Variants in ADGRL3 observed in about 807,000 individuals in gnomAD.
ADGRL3 encodes the protein calcium-independent alpha-latrotoxin receptor 3.
In ADGRL3, 62 loss-of-function variants were observed where a neutral mutation model predicts 153.5. The observed-to-expected ratio is 0.40, with a 90% CI of 0.33 to 0.50. The LOEUF (loss-of-function observed/expected upper bound fraction) is 0.50, where lower values mean the gene tolerates loss of function less well. Among genes scored for constraint, ADGRL3 ranks in the 20% least tolerant of loss-of-function variants. ADGRL3 has a pLI of 0.47. For synonymous variants in ADGRL3, 710 were observed against 672.5 expected, an observed-to-expected ratio of 1.06 and a Z score of -0.86; for missense variants, 1,641 against 1,859.4, an observed-to-expected ratio of 0.88 and a Z score of 2.16.
intron 2 of ADGRL3, among the ~76,000 whole-genome samples, chr4:61,468,481 A>T (rs1460353456): frequency 6.6e-6 from 1 of 152,126 alleles, no homozygotes; most frequent in African/African-American, 2.4e-5. Flanking sequence ...GAGTGTCCTA[A>T]ATAGTGTGTA....
At chr4:61,736,204 C>T (rs1378808350) in intron 8 of ADGRL3, among the ~76,000 whole-genome samples, 3 of 151,936 alleles carry the variant, frequency 2.0e-5, no homozygotes, top group African/African-American at 7.3e-5. Flanking sequence ...TATGTACATA[C>T]ATATGGGGGG....
intron 4 of ADGRL3, among the ~76,000 whole-genome samples, chr4:61,537,787 C>G (rs1012007047): frequency 6.6e-6 from 1 of 152,156 alleles, no homozygotes. Flanking sequence ...CGATTAAGAT[C>G]AAGTATTTCC....
At chr4:61,512,991 C>T (rs535444234) in intron 3 of ADGRL3, among the ~76,000 whole-genome samples, 2 of 152,102 alleles carry the variant, frequency 1.3e-5, no homozygotes, top group South Asian at 4.1e-4. Flanking sequence ...AACCCTAAAC[C>T]ACAAAAGTAA....
intron 24 of ADGRL3, among the ~76,000 whole-genome samples, chr4:62,041,832 C>G (rs1456355578): frequency 6.6e-6 from 1 of 152,050 alleles, no homozygotes; most frequent in Non-Finnish European, 1.5e-5. Context: ...TGCAATACTT[C>G]TCCTTTTTCT....
intron 13 of ADGRL3, among the ~76,000 whole-genome samples, chr4:61,928,234 T>A (rs2098802848): frequency 6.6e-6 from 1 of 152,146 alleles, no homozygotes; most frequent in Admixed American, 6.5e-5. Flanking sequence ...AAATAATTGT[T>A]CCCAGCTTTC....
At chr4:61,434,081 T>C (rs1415266539) in intron 2 of ADGRL3, among the ~76,000 whole-genome samples, 1 of 152,160 alleles carries the variant, frequency 6.6e-6, no homozygotes, top group Non-Finnish European at 1.5e-5. Context: ...CACTGGAATG[T>C]AAAATTGTTA....
chr4:61,521,269 T>A (rs2098529475), intron 4 of ADGRL3, among the ~76,000 whole-genome samples: 1 of 152,096 alleles, frequency 6.6e-6, no homozygotes, highest in South Asian at 2.1e-4. Context: ...AGAAGAAAGA[T>A]ACTATTCTGA....
At position 61,202,591 on chromosome 4, in the gene ADGRL3, G is replaced by T. The variant is rs1259337608; in HGVS notation, c.-240+826G>T. 6.6e-6 allele frequency among the ~76,000 whole-genome samples: 1 copy of T among 152,132 alleles called. No homozygotes were observed. On this transcript the variant is annotated intron_variant, in intron 1 of 26. Transcript: ENST00000683033. This position sits in a 1 kb window ranked among gnomAD's most constrained non-coding sequence, Gnocchi z 5.0. ...CAGAGCATTGGTGGTCGCGGTTGGC[G>T]GGTTACAGGTAGGAGAGAAGGCACC...
intron 17 of ADGRL3, among the ~76,000 whole-genome samples, chr4:61,971,882 T>G (rs1161053904): frequency 2.0e-5 from 3 of 152,168 alleles, no homozygotes; most frequent in Non-Finnish European, 4.4e-5. Flanking sequence ...CATTGTGGTT[T>G]TGATTTGCAT....
chr4:61,832,310 A>C (rs1561323163), intron 9 of ADGRL3, among the ~76,000 whole-genome samples: 1 of 152,228 alleles, frequency 6.6e-6, no homozygotes, highest in Non-Finnish European at 1.5e-5. Flanking sequence ...TATTGTGCAG[A>C]TGAAGTCTCC....
intron 8 of ADGRL3, among the ~76,000 whole-genome samples, chr4:61,775,287 A>G (rs965272246): frequency 6.6e-6 from 1 of 151,672 alleles, no homozygotes; most frequent in African/African-American, 2.4e-5. Flanking sequence ...GATGAACAAG[A>G]CTATTGATTT....
intron 4 of ADGRL3, among the ~76,000 whole-genome samples, chr4:61,557,148 A>C (rs1247029260): frequency 6.6e-6 from 1 of 152,160 alleles, no homozygotes; most frequent in Non-Finnish European, 1.5e-5. Context: ...TTTCAGGTGA[A>C]AAGTTTATAA....
chr4:61,423,314 G>A (rs1026420), intron 2 of ADGRL3, among the ~76,000 whole-genome samples: 1 of 151,938 alleles, frequency 6.6e-6, no homozygotes, highest in Non-Finnish European at 1.5e-5. Context: ...GATACATAGA[G>A]AAGGAACAAA....
chr4:61,390,459 C>T (rs550019671), intron 2 of ADGRL3, among the ~76,000 whole-genome samples: 4 of 152,206 alleles, frequency 2.6e-5, no homozygotes, highest in African/African-American at 9.6e-5. Context: ...ATTTATAGAT[C>T]GGTGTTTTGT....
chr4:61,278,805 C>T (rs907871540), intron 1 of ADGRL3, among the ~76,000 whole-genome samples: 58 of 152,190 alleles, frequency 3.8e-4, no homozygotes, highest in African/African-American at 1.2e-3. Flanking sequence ...TGCACCTGGC[C>T]GTGGTACTAC....
intron 5 of ADGRL3, among the ~76,000 whole-genome samples, chr4:61,594,127 T>C (rs2098980090): frequency 6.6e-6 from 1 of 152,206 alleles, no homozygotes; most frequent in African/African-American, 2.4e-5. Flanking sequence ...CATTTTCAAG[T>C]CTAGCATTTC....
intron 11 of ADGRL3, among the ~76,000 whole-genome samples, chr4:61,907,617 C>T (rs2098702283): frequency 6.7e-6 from 1 of 149,558 alleles, no homozygotes; most frequent in Admixed American, 6.7e-5. Context: ...TATGTATATA[C>T]ATACACATAT....
chr4:61,755,760 A>G (rs1040279405), intron 8 of ADGRL3, among the ~76,000 whole-genome samples: 1 of 152,162 alleles, frequency 6.6e-6, no homozygotes, highest in Non-Finnish European at 1.5e-5. Context: ...CAGGTCTAAC[A>G]TTTAAGTCTT....
chr4:61,921,598 G>T (rs2098769588), intron 13 of ADGRL3, among the ~76,000 whole-genome samples: 1 of 152,124 alleles, frequency 6.6e-6, no homozygotes, highest in Non-Finnish European at 1.5e-5. Flanking sequence ...AGTACAGACA[G>T]GGTTTCACTA....
Sources: gnomAD v4.1 joint callset for allele counts (sites outside exome capture counted in the v4.1 genomes callset) on GRCh38, gnomAD v4.1.1 for gene constraint, Gnocchi (gnomAD v3.1) non-coding constraint, MANE v1.5 for transcripts, NCBI Gene and HGNC (gene_info 2026-07-23, HGNC 2026-07-21) for gene names.